The following ABCC6 variants were observed in gnomAD, a reference collection of about 807,000 sequenced individuals.
ABCC6 encodes ATP-binding cassette sub-family C member 6.
A neutral mutation model predicts 169.5 loss-of-function variants in ABCC6; 126 were observed. The ratio of observed to expected loss-of-function variants is 0.74; its 90% CI spans 0.64 to 0.86. The LOEUF (loss-of-function observed/expected upper bound fraction) is 0.86, where lower values mean the gene tolerates loss of function less well. Among genes scored for constraint, ABCC6 ranks in the 40% least tolerant of loss-of-function variants. ABCC6 has a pLI of 0.00. For missense variants in ABCC6, 1,733 were observed against 1,927.2 expected (o/e 0.90, Z 1.89); for synonymous variants, 752 against 814.7 (o/e 0.92, Z 1.31).
At position 16,149,882 on chromosome 16, in the gene ABCC6, C is replaced by T; in HGVS notation, c.*251G>A. Reference sequence around the variant, plus strand: ...CAGAGTACAGCGGGGCTGAGAGTCGCTGTTGACATTGGCTGCAGGGTGGAC... The same window carrying T: ...CAGAGTACAGCGGGGCTGAGAGTCGTTGTTGACATTGGCTGCAGGGTGGAC... On this transcript the variant is annotated 3_prime_UTR_variant, in exon 31 of 31. Coordinates refer to ENST00000205557, the MANE Select transcript of ABCC6 (RefSeq NM_001171.6). The T allele has an allele frequency of 1.7e-6, 1 of 593,196 alleles. No individual in the cohort carries two copies. Among genetic ancestry groups the T allele is most frequent in the Non-Finnish European group, 3.0e-6 (1 of 329,918 alleles). The allele number at this position is 593,196 out of a possible 1,614,324, so 36.7% of individuals were successfully genotyped here. A position where few individuals can be genotyped will look rare whatever the true frequency, so the allele number is the denominator to read the frequency against.
chr16:16,221,668 G>C lies in ABCC6; in HGVS notation c.200C>G (p.Pro67Arg). 6.2e-7 allele frequency: 1 copy of C among 1,613,972 alleles called. No individual in the cohort carries two copies. Among genetic ancestry groups the C allele is most frequent in the Non-Finnish European group, 8.5e-7 (1 of 1,179,864 alleles). ...AGCTACCATCTTGGCTTTGAAGAGT[G>C]GGGACATCCGGAGGTAGCCCCGGCC... ...HHGRGYLRMS[P>R]LFKAKMVLGF... Residue 67 changes from proline (P) to arginine (R), a missense_variant, in exon 2 of 31, where the codon CCA becomes CGA. By Grantham distance (103) the Pro-to-Arg change is moderately radical (BLOSUM62 -2). Transcript: ENST00000205557.
chr16:16,163,095 G>C lies in ABCC6; in HGVS notation c.3404C>G (p.Thr1135Arg), dbSNP rs1245768823. Residue 1135 changes from threonine (T) to arginine (R), a missense_variant, in exon 24 of 31, where the codon ACA becomes AGA. By Grantham distance (71) the Thr-to-Arg change is moderately conservative. Transcript: ENST00000205557. The part of the protein sequence containing the change: ...SHMAETFQGS[T>R]VVRAFRTQAP... ...CTGGGTTCGGAATGCCCGGACCACT[G>C]TGCTGCCCTGGAACGTCTCAGCCAT... 2 of 1,613,772 alleles carry C rather than the reference G, an allele frequency of 1.2e-6. No individual in the cohort carries two copies. Among genetic ancestry groups the C allele is most frequent in the Non-Finnish European group, 1.7e-6 (2 of 1,180,046 alleles).
rs544420742 is a variant in ABCC6 at position 16,197,493 on chromosome 16, C to G, written c.1338+528G>C. 3.0e-3 allele frequency among the ~76,000 whole-genome samples: 437 copies of G among 147,484 alleles called. 2 individuals are homozygous for G. The highest frequency in any genetic ancestry group is 0.011 in the African/African-American group (421 of 39,748). ...AAGGGAAGAGAAGGAGAGGGAAGAG[C>G]AGAGGGAAGAGAGGGAGGACGGTAG... On this transcript the variant is annotated intron_variant, in intron 10 of 30. Transcript: ENST00000205557.
At chr16:16,155,508 C>T (rs994443699) in intron 27 of ABCC6, 5 of 174,026 alleles carry the variant, frequency 2.9e-5, no homozygotes, top group South Asian at 1.5e-4. Context: ...ATCCGTCTCT[C>T]GTTTCTTCTT....
At position 16,221,629 on chromosome 16, in the gene ABCC6, C is replaced by T; in HGVS notation, c.219+20G>A. On this transcript the variant is annotated intron_variant, in intron 2 of 30. Coordinates refer to ENST00000205557, the MANE Select transcript of ABCC6 (RefSeq NM_001171.6). ...CCCCCGAACATTGCCTGGTTCCAGG[C>T]TCCCAGGGATGGCAGCTACCATCTT... The T allele has an allele frequency of 6.2e-7, 1 of 1,613,424 alleles. No individual in the cohort carries two copies. The highest frequency in any genetic ancestry group is 1.1e-5 in the South Asian group (1 of 90,952).
At chr16:16,217,076 A>T (rs4781759) in intron 4 of ABCC6, among the ~76,000 whole-genome samples, 22 of 152,076 alleles carry the variant, frequency 1.4e-4, no homozygotes, top group South Asian at 2.1e-4. Context: ...CCCTTGACTT[A>T]CCCTTTTCAT....
rs753497739 is a variant in ABCC6 at position 16,150,605 on chromosome 16, C to T, written c.4376G>A (p.Arg1459His). Reference sequence around the variant, plus strand: ...GGCACAGTCCATCACGGAGCGCAGGCGGTGGGCAATGAGCAGCACAGTGCA... The same window carrying T: ...GGCACAGTCCATCACGGAGCGCAGGTGGTGGGCAATGAGCAGCACAGTGCA... ...AQCTVLLIAH[R>H]LRSVMDCARV... Residue 1459 changes from arginine (R) to histidine (H), a missense_variant, in exon 30 of 31, where the codon CGC (arginine) becomes CAC (histidine). Arg to His is a conservative substitution (Grantham distance 29). Transcript: ENST00000205557. 1.1e-5 allele frequency: 17 copies of T among 1,612,382 alleles called. No homozygotes were observed. The highest frequency in any genetic ancestry group is 2.7e-5 in the African/African-American group (2 of 74,916).
rs1248913205 is a variant in ABCC6, at chr16:16,154,802, G to C, written c.4042-8C>G. On this transcript the variant is annotated splice_region_variant and splice_polypyrimidine_tract_variant and intron_variant, in intron 28 of 30. Coordinates refer to ENST00000205557, the MANE Select transcript of ABCC6 (RefSeq NM_001171.6). ...AGGGAACAGGATGGGGTCCTGGCGG[G>C]GAGGGGCGGTGGGTCAGAGCCGGGT... 5.0e-6 allele frequency: 8 copies of C among 1,610,250 alleles called. No individual in the cohort carries two copies. The highest frequency in any genetic ancestry group is 6.8e-6 in the Non-Finnish European group (8 of 1,178,472).
intron 7 of ABCC6, among the ~76,000 whole-genome samples, chr16:16,207,324 G>A (rs533776630): frequency 6.6e-6 from 1 of 152,374 alleles, no homozygotes; most frequent in African/African-American, 2.4e-5. Flanking sequence ...AGGCCAATTA[G>A]AGGCCTTCCT....
At chr16:16,166,074 A>C in intron 22 of ABCC6, 141 bp from the exon 23 acceptor site, 3 of 835,778 alleles carry the variant, frequency 3.6e-6, no homozygotes, top group Non-Finnish European at 5.6e-6. Flanking sequence ...TTTTTGAGAC[A>C]GGGTCTCACT....
At chr16:16,154,166 C>T (rs916065981) in intron 29 of ABCC6, among the ~76,000 whole-genome samples, 3 of 151,922 alleles carry the variant, frequency 2.0e-5, no homozygotes, top group Middle Eastern at 3.4e-3. Context: ...AGACTAGTCT[C>T]GAACTCCTGG....
chr16:16,166,275 C>T (rs2046871731), intron 22 of ABCC6, among the ~76,000 whole-genome samples: 1 of 151,982 alleles, frequency 6.6e-6, no homozygotes, highest in African/African-American at 2.4e-5. Context: ...TCTCGAACTC[C>T]TGGGATCAAG....
chr16:16,163,316 A>G (rs1481711867), intron 23 of ABCC6, 124 bp from the exon 24 acceptor site: 4 of 902,252 alleles, frequency 4.4e-6, no homozygotes, highest in East Asian at 2.6e-5. Context: ...TTACTGTGTG[A>G]CCTTGGGCTA....
Position 16,161,459 on chromosome 16 carries a change from G to C in ABCC6, c.3612C>G (p.Phe1204Leu), listed in dbSNP as rs1464733728. 1.9e-6 allele frequency: 3 copies of C among 1,613,820 alleles called. No individual in the cohort carries two copies. The African/African-American group carries it at 4.0e-5, about 22-fold the overall frequency. The part of the protein sequence containing the change: ...KAHLSAGLVG[F>L]SVSAALQVTQ... ...GTACCTGGAGGGCAGCAGAGACAGA[G>C]AAGCCCACGAGGCCAGCACTGAGGT... Residue 1204 changes from phenylalanine (F) to leucine (L), a missense_variant, in exon 25 of 31, where the codon TTC becomes TTG. By Grantham distance (22) the Phe-to-Leu change is conservative. Coordinates refer to ENST00000205557, the MANE Select transcript of ABCC6 (RefSeq NM_001171.6).
At chr16:16,183,408 C>T (rs1486325312) in intron 15 of ABCC6, among the ~76,000 whole-genome samples, 1 of 152,196 alleles carries the variant, frequency 6.6e-6, no homozygotes, top group Admixed American at 6.5e-5. Context: ...CCGCCCCACT[C>T]CTGTCCACGT....
At chr16:16,177,656 C>T (rs760478159) in intron 18 of ABCC6, 30 bp from the exon 19 acceptor site, 2 of 1,612,934 alleles carry the variant, frequency 1.2e-6, no homozygotes, top group African/African-American at 1.3e-5. Flanking sequence ...AAGTTACACA[C>T]ATGTGGCCGG....
chr16:16,193,274 A>C (rs888178566), intron 10 of ABCC6, among the ~76,000 whole-genome samples: 1 of 152,164 alleles, frequency 6.6e-6, no homozygotes, highest in Non-Finnish European at 1.5e-5. Flanking sequence ...AAGTTACCCT[A>C]TATGGTCTAA....
intron 25 of ABCC6, 146 bp downstream of exon 25, chr16:16,161,292 G>T: frequency 8.0e-7 from 1 of 1,248,334 alleles, no homozygotes; most frequent in Non-Finnish European, 1.1e-6. Flanking sequence ...TCTGGCTCTT[G>T]TAGAGCTGCG....
intron 15 of ABCC6, 88 bp from the exon 16 acceptor site, chr16:16,183,018 T>C (rs773193131): frequency 1.4e-5 from 22 of 1,605,064 alleles, no homozygotes; most frequent in Non-Finnish European, 1.9e-5. Flanking sequence ...AGCTGAGCTT[T>C]CCTGCTCTGG....
Sources: gnomAD v4.1 joint callset for allele counts (sites outside exome capture counted in the v4.1 genomes callset) on GRCh38, gnomAD v4.1.1 for gene constraint, MANE v1.5 for transcripts, NCBI Gene and HGNC (gene_info 2026-07-23, HGNC 2026-07-21) for gene names.